The following SHROOM3 variants were observed in gnomAD, a reference collection of about 807,000 sequenced individuals.
SHROOM3 encodes the protein protein Shroom3.
In SHROOM3, 47 loss-of-function variants were observed where a neutral mutation model predicts 138.6. The ratio of observed to expected loss-of-function variants is 0.34; its 90% CI spans 0.27 to 0.43. SHROOM3 has a LOEUF of 0.43. SHROOM3 is among the 20% of genes least tolerant of loss of function. The pLI is 1.00. For missense variants in SHROOM3, 2,491 were observed against 2,596.5 expected (o/e 0.96, Z 0.88); for synonymous variants, 1,062 against 1,063.3 (o/e 1.00, Z 0.02).
chr4:76,717,106 A>G (rs567595362), intron 3 of SHROOM3, among the ~76,000 whole-genome samples: 1 of 152,106 alleles, frequency 6.6e-6, no homozygotes, highest in African/African-American at 2.4e-5. Flanking sequence ...TCCAGAATCT[A>G]TGTTGGTGTT....
At chr4:76,554,268 G>T (rs1317739412) in intron 1 of SHROOM3, among the ~76,000 whole-genome samples, 1 of 152,006 alleles carries the variant, frequency 6.6e-6, no homozygotes, top group Non-Finnish European at 1.5e-5. Context: ...TTTCCTTCAT[G>T]TTGTTTCATG....
intron 1 of SHROOM3, among the ~76,000 whole-genome samples, chr4:76,506,196 G>T (rs1424867202): frequency 1.3e-5 from 2 of 152,036 alleles, no homozygotes; most frequent in South Asian, 2.1e-4. Flanking sequence ...GACACGGGTT[G>T]GGGGGAGGGC....
intron 9 of SHROOM3, among the ~76,000 whole-genome samples, chr4:76,766,252 G>A (rs1722152906): frequency 6.6e-6 from 1 of 152,214 alleles, no homozygotes; most frequent in Non-Finnish European, 1.5e-5. Flanking sequence ...TAATTAATTA[G>A]ACATTATTAT....
chr4:76,554,343 T>G (rs1242392960), intron 1 of SHROOM3, among the ~76,000 whole-genome samples: 1 of 152,200 alleles, frequency 6.6e-6, no homozygotes, highest in Non-Finnish European at 1.5e-5. Flanking sequence ...CTACTTTATG[T>G]ATCCAATGAA....
At chr4:76,560,193 T>A (rs545320184) in intron 2 of SHROOM3, among the ~76,000 whole-genome samples, 2 of 152,124 alleles carry the variant, frequency 1.3e-5, no homozygotes, top group African/African-American at 4.8e-5. Context: ...AAAATAGTTG[T>A]CCAGGGATCG....
chr4:76,596,178 G>C (rs1026354480), intron 2 of SHROOM3, among the ~76,000 whole-genome samples: 13 of 152,176 alleles, frequency 8.5e-5, no homozygotes, highest in African/African-American at 3.1e-4. Context: ...GTGATATATA[G>C]TACTTGATAT....
At chr4:76,463,298 G>T (rs1047131606) in intron 1 of SHROOM3, among the ~76,000 whole-genome samples, 8 of 152,222 alleles carry the variant, frequency 5.3e-5, no homozygotes, top group African/African-American at 1.9e-4. Flanking sequence ...CTCTTAACTT[G>T]AGAGAAATGA....
At chr4:76,704,436 G>A (rs1394428936) in intron 2 of SHROOM3, among the ~76,000 whole-genome samples, 1 of 152,246 alleles carries the variant, frequency 6.6e-6, no homozygotes, top group Non-Finnish European at 1.5e-5. Flanking sequence ...AAGAGTATTT[G>A]CATTAGATAA....
intron 2 of SHROOM3, among the ~76,000 whole-genome samples, chr4:76,693,373 T>TG (rs1719616926): frequency 8.3e-6 from 1 of 120,050 alleles, no homozygotes; most frequent in South Asian, 3.2e-4. Context: ...TAAGTTTGTT[T>TG]TTTTTTTTTT....
At chr4:76,441,428 C>T (rs1027973800) in intron 1 of SHROOM3, among the ~76,000 whole-genome samples, 2 of 152,112 alleles carry the variant, frequency 1.3e-5, no homozygotes, top group African/African-American at 4.8e-5. Flanking sequence ...TTAGGCAGTT[C>T]CCCAAGACCT....
chr4:76,766,135 T>A (rs1722147649), intron 9 of SHROOM3, among the ~76,000 whole-genome samples: 2 of 152,234 alleles, frequency 1.3e-5, no homozygotes, highest in African/African-American at 4.8e-5. Context: ...CTCACTTTCC[T>A]CATCGGTAAA....
chr4:76,645,945 G>A (rs1008644688), intron 2 of SHROOM3, among the ~76,000 whole-genome samples: 1 of 151,992 alleles, frequency 6.6e-6, no homozygotes, highest in Admixed American at 6.6e-5. Flanking sequence ...GAAGATTTAA[G>A]AAGTTCCATT....
chr4:76,647,225 G>A (rs1377135733), intron 2 of SHROOM3, among the ~76,000 whole-genome samples: 4 of 152,178 alleles, frequency 2.6e-5, no homozygotes, highest in Admixed American at 6.5e-5. Flanking sequence ...ATCCCAGGGA[G>A]GTAGAGAGTC....
chr4:76,524,021 GA>G (rs1732627409), intron 1 of SHROOM3, among the ~76,000 whole-genome samples: 1 of 152,222 alleles, frequency 6.6e-6, no homozygotes, highest in Admixed American at 6.5e-5. Flanking sequence ...GAAGAAGCCT[GA>G]AGACAAACTA....
chr4:76,682,299 A>G (rs1719222675), intron 2 of SHROOM3, among the ~76,000 whole-genome samples: 1 of 152,318 alleles, frequency 6.6e-6, no homozygotes, highest in Admixed American at 6.5e-5. Context: ...CACACACTCA[A>G]TGATTATCCC....
At chr4:76,708,718 A>G (rs1720137929) in intron 2 of SHROOM3, among the ~76,000 whole-genome samples, 1 of 152,224 alleles carries the variant, frequency 6.6e-6, no homozygotes, top group African/African-American at 2.4e-5. Context: ...ACAAAGTCAC[A>G]GAGCTGCTCA....
At chr4:76,703,985 T>G (rs1481457143) in intron 2 of SHROOM3, among the ~76,000 whole-genome samples, 1 of 152,190 alleles carries the variant, frequency 6.6e-6, no homozygotes, top group Non-Finnish European at 1.5e-5. Context: ...ACTTTTCTTG[T>G]CTGTCCCAAG....
intron 1 of SHROOM3, among the ~76,000 whole-genome samples, chr4:76,452,796 C>G (rs1730951259): frequency 6.6e-6 from 1 of 152,184 alleles, no homozygotes; most frequent in Non-Finnish European, 1.5e-5. Flanking sequence ...CAGCTCACTG[C>G]AACCTCCGCC....
rs141291509 is a variant in SHROOM3 at position 76,705,930 on chromosome 4, G to C, written c.324-4226G>C. Among the ~76,000 whole-genome samples, 21 of 152,234 alleles carry C rather than the reference G, an allele frequency of 1.4e-4. No individual in the cohort carries two copies. The East Asian group carries it at 3.9e-3, about 28-fold the overall frequency. ...GACCCTTGAACAACACAGGGGGATTGGGGATGCTAACCCCCTAGAGTCAAA... is the reference window on the plus strand; with the variant it reads ...GACCCTTGAACAACACAGGGGGATTCGGGATGCTAACCCCCTAGAGTCAAA... On this transcript the variant is annotated intron_variant, in intron 2 of 10. Coordinates refer to ENST00000296043, the MANE Select transcript of SHROOM3 (RefSeq NM_020859.4).
Sources: gnomAD v4.1 joint callset for allele counts (sites outside exome capture counted in the v4.1 genomes callset) on GRCh38, gnomAD v4.1.1 for gene constraint, MANE v1.5 for transcripts, NCBI Gene and HGNC (gene_info 2026-07-23, HGNC 2026-07-21) for gene names.